The following CACNB4 variants were observed in gnomAD, a reference collection of about 807,000 sequenced individuals.
The protein encoded by CACNB4 is calcium voltage-gated channel auxiliary subunit beta 4, also known as voltage-dependent L-type calcium channel subunit beta-4.
CACNB4 carries 32 observed loss-of-function variants against 71.2 expected under a neutral mutation model. That is an observed-to-expected ratio of 0.45 (90% CI 0.34 to 0.60). CACNB4 has a LOEUF of 0.60. Among genes scored for constraint, CACNB4 ranks in the 20% least tolerant of loss-of-function variants. The probability of loss-of-function intolerance (pLI) is 0.01; values close to 1 mark genes in which losing one functional copy is unlikely to be tolerated. For missense variants in CACNB4, 464 were observed against 647.9 expected (o/e 0.72, Z 3.08); for synonymous variants, 231 against 236.9 (o/e 0.97, Z 0.23).
intron 4 of CACNB4, chr2:151,880,520 G>C (rs2099847571): frequency 2.4e-6 from 1 of 421,756 alleles, no homozygotes; most frequent in Admixed American, 4.3e-5. Context: ...TCACAGAAGG[G>C]GATTTAAAGG....
At chr2:151,884,907 G>T (rs1355998327) in intron 2 of CACNB4, among the ~76,000 whole-genome samples, 2 of 152,190 alleles carry the variant, frequency 1.3e-5, no homozygotes, top group African/African-American at 4.8e-5. Context: ...GAAAAACATA[G>T]ACCTATCCAT....
At chr2:151,849,116 C>T (rs931282917) in intron 12 of CACNB4, among the ~76,000 whole-genome samples, 11 of 152,178 alleles carry the variant, frequency 7.2e-5, no homozygotes, top group African/African-American at 2.7e-4. Flanking sequence ...AAAGTCCTTC[C>T]TCTTCCAAAG....
intron 5 of CACNB4, among the ~76,000 whole-genome samples, chr2:151,875,875 GCGGC>G (rs1388364409): frequency 3.4e-4 from 50 of 145,244 alleles, no homozygotes; most frequent in Admixed American, 4.7e-4. Context: ...CCCGGACGGG[GCGGC>G]TGGCCGGGCA....
chr2:151,927,864 A>T (rs1485717748), intron 2 of CACNB4, among the ~76,000 whole-genome samples: 1 of 152,252 alleles, frequency 6.6e-6, no homozygotes, highest in Non-Finnish European at 1.5e-5. Flanking sequence ...GCTTGACCAG[A>T]CAGATTTATT....
chr2:151,849,140 T>C (rs183304817), intron 12 of CACNB4, among the ~76,000 whole-genome samples: 2 of 152,188 alleles, frequency 1.3e-5, no homozygotes, highest in Non-Finnish European at 2.9e-5. Context: ...AACTATCCAG[T>C]AGCCCATTTT....
At chr2:151,853,630 G>A (rs191967027) in intron 11 of CACNB4, 87 bp from the exon 12 acceptor site, 362 of 717,326 alleles carry the variant, frequency 5.0e-4, no homozygotes, top group Non-Finnish European at 5.9e-5. Context: ...GGTCTGCTTG[G>A]CCCTGAGTAT....
At chr2:152,091,950 G>A (rs1408338072) in intron 2 of CACNB4, among the ~76,000 whole-genome samples, 1 of 152,178 alleles carries the variant, frequency 6.6e-6, no homozygotes, top group Admixed American at 6.5e-5. Flanking sequence ...CAGCAACCAC[G>A]CAGATTCAGA....
intron 2 of CACNB4, among the ~76,000 whole-genome samples, chr2:151,929,152 A>AGG (rs2099860997): frequency 6.6e-6 from 1 of 152,054 alleles, no homozygotes; most frequent in African/African-American, 2.4e-5. Context: ...CCTACTACTC[A>AGG]GGGGGAAGCA....
At chr2:151,929,880 G>A (rs530361759) in intron 2 of CACNB4, among the ~76,000 whole-genome samples, 67 of 152,010 alleles carry the variant, frequency 4.4e-4, no homozygotes, top group African/African-American at 1.6e-3. Flanking sequence ...TTGAATAGAA[G>A]GTCATGCTTT....
chr2:151,853,339 A>T, intron 12 of CACNB4, 109 bp downstream of exon 12: 1 of 648,104 alleles, frequency 1.5e-6, no homozygotes, highest in Non-Finnish European at 2.6e-6. Context: ...AGATGACAAC[A>T]TACCATCATC....
chr2:151,887,744 C>T (rs965556928), intron 2 of CACNB4, among the ~76,000 whole-genome samples: 7 of 152,268 alleles, frequency 4.6e-5, no homozygotes, highest in Non-Finnish European at 8.8e-5. Context: ...TAATTTCCTC[C>T]GTTAGAAAAT....
At chr2:151,931,844 T>A (rs1011009702) in intron 2 of CACNB4, among the ~76,000 whole-genome samples, 23 of 152,310 alleles carry the variant, frequency 1.5e-4, no homozygotes, top group Admixed American at 1.1e-3. Context: ...TAAATTTCCA[T>A]TAGTAAGTTA....
chr2:152,008,503 T>A (rs1182438458), intron 2 of CACNB4, among the ~76,000 whole-genome samples: 1 of 152,106 alleles, frequency 6.6e-6, no homozygotes, highest in Non-Finnish European at 1.5e-5. Context: ...ACTAAATATG[T>A]TGGCCAGGCT....
At chr2:151,899,128 AGAG>A (rs2099852777) in intron 2 of CACNB4, among the ~76,000 whole-genome samples, 1 of 152,216 alleles carries the variant, frequency 6.6e-6, no homozygotes, top group Admixed American at 6.5e-5. Context: ...ACTGGAGGAG[AGAG>A]GAGGCCCTTC....
chr2:151,979,103 A>G (rs1017090095), intron 2 of CACNB4, among the ~76,000 whole-genome samples: 3 of 152,112 alleles, frequency 2.0e-5, no homozygotes, highest in Non-Finnish European at 2.9e-5. Flanking sequence ...CCCTGTCACA[A>G]AACACTGCCC....
chr2:151,855,651 AT>A (rs1029033972), intron 10 of CACNB4, among the ~76,000 whole-genome samples: 1 of 152,182 alleles, frequency 6.6e-6, no homozygotes, highest in African/African-American at 2.4e-5. Flanking sequence ...TACGATGATT[AT>A]TTTATGTTGT....
In CACNB4 at chr2:151,987,539, T is replaced by C. The variant is rs893524886; in HGVS notation, c.148-104169A>G. Among the ~76,000 whole-genome samples the C allele has an allele frequency of 6.6e-5, 10 of 152,190 alleles. 1 individual carries two copies. The East Asian group carries it at 1.9e-3, about 29-fold the overall frequency. On this transcript the variant is annotated intron_variant, in intron 2 of 13. Coordinates refer to ENST00000539935, the MANE Select transcript of CACNB4 (RefSeq NM_000726.5). Reference sequence around the variant, plus strand: ...AAAAGAAAGGCACTTTGTTGATGTTTTGAATTAAGTCAAAGAAAAAAGCAT... The same window carrying C: ...AAAAGAAAGGCACTTTGTTGATGTTCTGAATTAAGTCAAAGAAAAAAGCAT...
rs192412048 is a variant in CACNB4, at chr2:151,990,486, C to T, written c.148-107116G>A. Among the ~76,000 whole-genome samples, 15 of 152,318 alleles carry T rather than the reference C, an allele frequency of 9.8e-5. No homozygotes were observed. The East Asian group carries it at 2.1e-3, about 22-fold the overall frequency. On this transcript the variant is annotated intron_variant, in intron 2 of 13. Transcript: ENST00000539935. ...TGCCACCACATCACAGCATTTCCCACGGTTCGCCCTCCTCACTCAGGCAAC... is the reference window on the plus strand; with the variant it reads ...TGCCACCACATCACAGCATTTCCCATGGTTCGCCCTCCTCACTCAGGCAAC...
intron 2 of CACNB4, among the ~76,000 whole-genome samples, chr2:152,039,027 A>G (rs1684741606): frequency 6.6e-6 from 1 of 152,214 alleles, no homozygotes; most frequent in African/African-American, 2.4e-5. Flanking sequence ...GGGATAATTA[A>G]ACAGCATTTA....
Sources: gnomAD v4.1 joint callset for allele counts (sites outside exome capture counted in the v4.1 genomes callset) on GRCh38, gnomAD v4.1.1 for gene constraint, MANE v1.5 for transcripts, NCBI Gene and HGNC (gene_info 2026-07-23, HGNC 2026-07-21) for gene names.